The following FAM167A variants were observed in gnomAD, a reference collection of about 807,000 sequenced individuals.
FAM167A encodes the protein protein FAM167A.
FAM167A carries 23 observed loss-of-function variants against 14.9 expected under a neutral mutation model. That is an observed-to-expected ratio of 1.55 (90% CI 1.11 to 2.19). The LOEUF is 2.19. Among genes scored for constraint, FAM167A ranks in the 30% most tolerant of loss-of-function variants. The pLI, the probability that FAM167A is intolerant of heterozygous loss-of-function variation, is 0.00. For missense variants in FAM167A, 401 were observed against 281.5 expected (o/e 1.42, Z -3.04); for synonymous variants, 174 against 117.7 (o/e 1.48, Z -3.10).
At chr8:11,443,785 A>G (rs1441387995) in intron 2 of FAM167A, 1 of 502,892 alleles carries the variant, frequency 2.0e-6, no homozygotes. Flanking sequence ...AGGTTCTGCC[A>G]GAAAACACCT....
rs74664909 is a variant in FAM167A, at chr8:11,438,401, G to A, written c.381+5630C>T. On this transcript the variant is annotated intron_variant, in intron 2 of 2. Transcript: ENST00000284486. Reference sequence around the variant, plus strand: ...AAGGCCTTACTTTTATTTGAATGTTGGGAGATTGAAGGCCTTACTTTTATT... The same window carrying A: ...AAGGCCTTACTTTTATTTGAATGTTAGGAGATTGAAGGCCTTACTTTTATT... 217 of 452,576 alleles carry A rather than the reference G, an allele frequency of 4.8e-4. 1 individual carries two copies. Among genetic ancestry groups the A allele is most frequent in the African/African-American group, 4.0e-3 (197 of 49,768 alleles). The allele number at this position is 452,576 out of a possible 1,614,324, so 28.0% of individuals were successfully genotyped here.
Position 11,424,449 on chromosome 8 carries a change from A to G in FAM167A, c.569T>C (p.Phe190Ser). 1 of 1,613,980 alleles carries G rather than the reference A, an allele frequency of 6.2e-7. No individual in the cohort carries two copies. The highest frequency in any genetic ancestry group is 8.5e-7 in the Non-Finnish European group (1 of 1,179,978). ...AAGCTTGAGTGGTGTGGAGAGGCTG[A>G]AGGAGGAGGCAAGAGGGGAGTCACA... is the stretch of plus-strand genomic sequence containing the variant. ...LFCDSPLASSFSLSTPLKLIG... is the reference protein window; with the variant it reads ...LFCDSPLASSSSLSTPLKLIG... The change falls in exon 3 of 3, where the codon TTC becomes TCC. Residue 190 changes from phenylalanine to serine, a missense_variant. Coordinates refer to ENST00000284486, the MANE Select transcript of FAM167A (RefSeq NM_053279.3).
At chr8:11,433,674 G>A (rs750700053) in intron 2 of FAM167A, among the ~76,000 whole-genome samples, 30 of 152,186 alleles carry the variant, frequency 2.0e-4, no homozygotes, top group Non-Finnish European at 3.7e-4. Context: ...AGGTGGTGAA[G>A]GGCATTTTGT....
Position 11,422,275 on chromosome 8 carries a change from A to G in FAM167A, c.*2098T>C, listed in dbSNP as rs764820145. The G allele has an allele frequency of 6.5e-6, 1 of 154,956 alleles. No individual in the cohort carries two copies. Among genetic ancestry groups the G allele is most frequent in the Non-Finnish European group, 1.4e-5 (1 of 69,786 alleles). 9.6% of individuals were successfully genotyped at this position (154,956 alleles called of 1,614,324 possible). ...ATGACTGATTTCCAAAAAGAAAGAA[A>G]AACCTAATTTGGCATTTTTTCAGAA... On this transcript the variant is annotated 3_prime_UTR_variant, in exon 3 of 3. Coordinates refer to ENST00000284486, the MANE Select transcript of FAM167A (RefSeq NM_053279.3).
intron 2 of FAM167A, among the ~76,000 whole-genome samples, chr8:11,443,346 G>A (rs1234373454): frequency 1.3e-5 from 2 of 152,204 alleles, no homozygotes; most frequent in Admixed American, 6.5e-5. Context: ...GAAAGTGACC[G>A]CGCTGCGGTC....
intron 2 of FAM167A, among the ~76,000 whole-genome samples, chr8:11,430,949 G>A (rs190079225): frequency 2.0e-5 from 3 of 152,298 alleles, no homozygotes; most frequent in East Asian, 1.9e-4. Flanking sequence ...TCCTACCCTC[G>A]GAGCTGGGTG....
At chr8:11,455,140 G>A (rs550081857) in intron 1 of FAM167A, among the ~76,000 whole-genome samples, 80 of 117,478 alleles carry the variant, frequency 6.8e-4, no homozygotes, top group Middle Eastern at 6.4e-3. Flanking sequence ...GTGTGTGTGC[G>A]TGTGTGTGTG....
intron 1 of FAM167A, chr8:11,446,413 G>T (rs1213512546): frequency 6.6e-6 from 1 of 151,426 alleles, no homozygotes; most frequent in Non-Finnish European, 1.5e-5. Flanking sequence ...CTCCAGCTCT[G>T]CTTGGAGCAA....
Position 11,431,905 on chromosome 8 carries a change from A to AG in FAM167A, c.382-7270_382-7269insC. ...CTGGACCAATTGGCAAAAAAAAAAA[A>AG]AAAAAAAAAAAAAAGGATTTTGTTC... On this transcript the variant is annotated intron_variant, in intron 2 of 2. Transcript: ENST00000284486. 1.4e-5 allele frequency among the ~76,000 whole-genome samples: 2 copies of AG among 138,944 alleles called. 1 individual carries two copies. The highest frequency in any genetic ancestry group is 1.5e-4 in the Admixed American group (2 of 13,232). The allele number at this position is 138,944 out of a possible 152,430, so 91.2% of individuals were successfully genotyped here.
intron 1 of FAM167A, chr8:11,445,633 A>G: frequency 1.0e-6 from 1 of 984,006 alleles, no homozygotes; most frequent in Non-Finnish European, 1.2e-6. Context: ...GAGAGGAGGC[A>G]TAAGCCCCAG....
intron 1 of FAM167A, among the ~76,000 whole-genome samples, chr8:11,473,984 C>T (rs569648484): frequency 1.3e-5 from 2 of 152,238 alleles, no homozygotes; most frequent in African/African-American, 4.8e-5. Flanking sequence ...AGCGATTTTC[C>T]TGCCTCAGCA....
chr8:11,474,573 A>G lies in FAM167A; in HGVS notation c.-398+1293T>C, dbSNP rs535945467. ...GACAGAACTAGAGGCAGAAAAGAAG[A>G]GAAAAATCAATACAGGCACCCAGAG... On this transcript the variant is annotated intron_variant, in intron 1 of 1. Coordinates refer to the FAM167A transcript ENST00000648766. 1.3e-4 allele frequency: 20 copies of G among 152,396 alleles called. No individual in the cohort carries two copies. The East Asian group carries it at 3.9e-3, about 29-fold the overall frequency. The allele number at this position is 152,396 out of a possible 1,614,324, so 9.4% of individuals were successfully genotyped here.
intron 2 of FAM167A, among the ~76,000 whole-genome samples, chr8:11,425,882 C>G (rs532197260): frequency 6.6e-6 from 1 of 152,300 alleles, no homozygotes; most frequent in African/African-American, 2.4e-5. Context: ...CCCTGCAAAA[C>G]CATCTCTTGT....
intron 1 of FAM167A, among the ~76,000 whole-genome samples, chr8:11,453,058 C>T (rs879468312): frequency 1.8e-4 from 27 of 152,202 alleles, no homozygotes; most frequent in Admixed American, 3.3e-4. Context: ...AGCCTGGGGA[C>T]TTGGACGCTG....
intron 2 of FAM167A, among the ~76,000 whole-genome samples, chr8:11,436,978 G>A (rs886810562): frequency 5.9e-5 from 9 of 152,292 alleles, no homozygotes; most frequent in East Asian, 1.9e-4. Flanking sequence ...TCCTGCCTGC[G>A]CCTCCAAAGG....
At chr8:11,437,636 C>T (rs1806119812) in intron 2 of FAM167A, among the ~76,000 whole-genome samples, 1 of 149,116 alleles carries the variant, frequency 6.7e-6, no homozygotes, top group Non-Finnish European at 1.5e-5. Context: ...AACCCCAACA[C>T]CTCCCCAGGT....
At chr8:11,446,645 C>A (rs1278110966) in intron 1 of FAM167A, 2 of 152,172 alleles carry the variant, frequency 1.3e-5, no homozygotes, top group Non-Finnish European at 2.9e-5. Context: ...GTGATAAATA[C>A]CAACCTCCTA....
At chr8:11,468,418 C>T (rs539796557), upstream of FAM167A, among the ~76,000 whole-genome samples, 2 of 152,220 alleles carry the variant, frequency 1.3e-5, no homozygotes, top group African/African-American at 4.8e-5. Context: ...GTGCTGGCAG[C>T]CCCCTGCCTT....
At chr8:11,470,665 A>G (rs1434507586), upstream of FAM167A, among the ~76,000 whole-genome samples, 1 of 152,122 alleles carries the variant, frequency 6.6e-6, no homozygotes, top group Non-Finnish European at 1.5e-5. Flanking sequence ...GATTCTAGGG[A>G]TACAAGAGAA....
Sources: gnomAD v4.1 joint callset for allele counts (sites outside exome capture counted in the v4.1 genomes callset) on GRCh38, gnomAD v4.1.1 for gene constraint, MANE v1.5 for transcripts, NCBI Gene and HGNC (gene_info 2026-07-23, HGNC 2026-07-21) for gene names.